LRCH1: variants seen among roughly 807,000 people sequenced by gnomAD.
LRCH1 encodes leucine-rich repeat and calponin homology domain-containing protein 1.
A neutral mutation model predicts 94.9 loss-of-function variants in LRCH1; 23 were observed. The ratio of observed to expected loss-of-function variants is 0.24; its 90% CI spans 0.17 to 0.34. LRCH1 has a LOEUF of 0.34. LRCH1 is among the 10% of genes least tolerant of loss of function. LRCH1 has a pLI of 1.00. For missense variants in LRCH1, 790 were observed against 945.9 expected, an observed-to-expected ratio of 0.84 and a Z score of 2.16; for synonymous variants, 364 against 354.9, an observed-to-expected ratio of 1.03 and a Z score of -0.29.
chr13:46,696,386 C>G (rs373994707), intron 9 of LRCH1, among the ~76,000 whole-genome samples: 1 of 152,110 alleles, frequency 6.6e-6, no homozygotes, highest in African/African-American at 2.4e-5. Flanking sequence ...TGGAGTATAT[C>G]GAGCATTCAT....
chr13:46,621,512 G>T (rs570894745), intron 1 of LRCH1, among the ~76,000 whole-genome samples: 2 of 152,248 alleles, frequency 1.3e-5, no homozygotes, highest in East Asian at 3.9e-4. Context: ...GTATCTTAAT[G>T]GGTTAATTGC....
chr13:46,656,633 G>A (rs1411951499), intron 2 of LRCH1, among the ~76,000 whole-genome samples: 1 of 152,254 alleles, frequency 6.6e-6, no homozygotes, highest in African/African-American at 2.4e-5. Flanking sequence ...TCACAGGATA[G>A]CAGAGTTGGA....
intron 1 of LRCH1, among the ~76,000 whole-genome samples, chr13:46,622,041 A>G (rs1384191982): frequency 6.6e-6 from 1 of 152,242 alleles, no homozygotes; most frequent in East Asian, 1.9e-4. Flanking sequence ...TGTAATAGAA[A>G]TGTTTATGTA....
rs546171836 is a variant in LRCH1 at position 46,683,783 on chromosome 13, A to G, written c.685+1937A>G. Among the ~76,000 whole-genome samples the G allele has an allele frequency of 1.4e-4, 21 of 152,304 alleles. No individual in the cohort carries two copies. The South Asian group carries it at 4.4e-3, about 32-fold the overall frequency. ...TTCCCTTAAAAAGATCAGTTATTCC[A>G]TAATTATGTTTTCTCAGTTTTGATA... On this transcript the variant is annotated intron_variant, in intron 4 of 19. Transcript: ENST00000389797.
chr13:46,580,660 C>T (rs927830726), intron 1 of LRCH1, among the ~76,000 whole-genome samples: 1 of 152,158 alleles, frequency 6.6e-6, no homozygotes, highest in African/African-American at 2.4e-5. Context: ...AGTCCCTTCC[C>T]TTTTTGCCAT....
At chr13:46,620,568 C>T (rs1404112520) in intron 1 of LRCH1, among the ~76,000 whole-genome samples, 2 of 152,232 alleles carry the variant, frequency 1.3e-5, no homozygotes, top group Non-Finnish European at 2.9e-5. Context: ...TATTGCAAAA[C>T]TTCTGGTTAG....
In LRCH1 at chr13:46,669,094, A is replaced by C; in HGVS notation, c.517A>C (p.Ser173Arg). 6.2e-7 allele frequency: 1 copy of C among 1,614,178 alleles called. No homozygotes were observed. Among genetic ancestry groups the C allele is most frequent in the South Asian group, 1.1e-5 (1 of 91,072 alleles). ...TCTGCCTCTCAAAGTCTTAATCGCA[A>C]GTAACAACAAACTTGGATCATTACC... ...CGLPLKVLIA[S>R]NNKLGSLPEE... Residue 173 changes from serine (S) to arginine (R), a missense_variant, in exon 3 of 20, where the codon AGT (serine) becomes CGT (arginine). Ser to Arg is a moderately radical substitution (Grantham distance 110). Coordinates refer to ENST00000389797, the MANE Select transcript of LRCH1 (RefSeq NM_001164211.2).
chr13:46,641,225 C>A (rs554044092), intron 1 of LRCH1, among the ~76,000 whole-genome samples: 1 of 152,020 alleles, frequency 6.6e-6, no homozygotes, highest in African/African-American at 2.4e-5. Flanking sequence ...GATGTAGCTG[C>A]GATTCTTCTA....
rs1339773025 is a variant in LRCH1 at position 46,685,913 on chromosome 13, G to C, written c.694G>C (p.Asp232His). The C allele has an allele frequency of 8.2e-6, 13 of 1,587,824 alleles. No homozygotes were observed. Among genetic ancestry groups the C allele is most frequent in the East Asian group, 2.3e-5 (1 of 44,244 alleles). The change falls in exon 5 of 20, where the codon GAT becomes CAT. Residue 232 changes from aspartate to histidine, a missense_variant. By Grantham distance (81) the Asp-to-His change is moderately conservative (BLOSUM62 -1). Coordinates refer to ENST00000389797, the MANE Select transcript of LRCH1 (RefSeq NM_001164211.2). ...TTTTTCTATTATTTTAGAACTAGTA[G>C]ATCTTTCCTTGGTAAAGTTTGACTT... ...YLKVLPQELV[D>H]LSLVKFDFSC...
intron 2 of LRCH1, among the ~76,000 whole-genome samples, chr13:46,657,741 C>T (rs2138094445): frequency 8.6e-6 from 1 of 115,888 alleles, no homozygotes; most frequent in South Asian, 2.9e-4. Flanking sequence ...GTTGTCCAGG[C>T]TGGTTTCGAG....
At chr13:46,623,633 C>A (rs528290669) in intron 1 of LRCH1, among the ~76,000 whole-genome samples, 1 of 151,194 alleles carries the variant, frequency 6.6e-6, no homozygotes, top group South Asian at 2.1e-4. Context: ...TCATTTGTTC[C>A]ACCACTGCTG....
intron 1 of LRCH1, among the ~76,000 whole-genome samples, chr13:46,611,573 G>A (rs1256356159): frequency 1.3e-5 from 2 of 152,182 alleles, no homozygotes; most frequent in East Asian, 3.8e-4. Flanking sequence ...ACTTGAATAT[G>A]TGAGCTTACC....
At chr13:46,554,357 T>G (rs571133632) in intron 1 of LRCH1, among the ~76,000 whole-genome samples, 1 of 152,282 alleles carries the variant, frequency 6.6e-6, no homozygotes, top group African/African-American at 2.4e-5. Context: ...TTGTAGTGAA[T>G]CCCAGTCGGC....
chr13:46,709,300 G>T (rs553180910), intron 13 of LRCH1, among the ~76,000 whole-genome samples: 1 of 152,186 alleles, frequency 6.6e-6, no homozygotes, highest in African/African-American at 2.4e-5. Context: ...CATTCAGTCA[G>T]TTGGCCCAGC....
At chr13:46,622,364 T>A (rs1566182433) in intron 1 of LRCH1, among the ~76,000 whole-genome samples, 1 of 152,156 alleles carries the variant, frequency 6.6e-6, no homozygotes, top group South Asian at 2.1e-4. Flanking sequence ...ATTAAATAGA[T>A]TTTCATTCAC....
intron 1 of LRCH1, among the ~76,000 whole-genome samples, chr13:46,578,108 C>T (rs1054172667): frequency 1.4e-4 from 21 of 152,216 alleles, no homozygotes; most frequent in African/African-American, 5.1e-4. Flanking sequence ...TCTGCCCCAC[C>T]TCTTCCAACA....
intron 19 of LRCH1, among the ~76,000 whole-genome samples, chr13:46,736,064 T>G (rs1197956098): frequency 6.6e-6 from 1 of 151,872 alleles, no homozygotes; most frequent in African/African-American, 2.4e-5. Flanking sequence ...CCCAAAGTGC[T>G]AGGATTATAG....
chr13:46,729,259 C>T lies in LRCH1; in HGVS notation c.2007+275C>T, dbSNP rs147035186. The stretch of plus-strand genomic sequence containing the variant: ...AGATCACTTTAAATAACTTACTGGG[C>T]GGGCACGGTGGCTCACACCTGTAAA... On this transcript the variant is annotated intron_variant, in intron 18 of 19. Transcript: ENST00000389797. 2.4e-3 allele frequency among the ~76,000 whole-genome samples: 366 copies of T among 152,068 alleles called. 1 individual carries two copies. Among genetic ancestry groups the T allele is most frequent in the African/African-American group, 8.2e-3 (338 of 41,466 alleles).
intron 1 of LRCH1, among the ~76,000 whole-genome samples, chr13:46,588,358 C>T (rs186391958): frequency 5.4e-4 from 82 of 152,274 alleles, no homozygotes; most frequent in Non-Finnish European, 1.0e-3. Flanking sequence ...TTGCTACTCA[C>T]ATGGTAAATA....
Sources: gnomAD v4.1 joint callset for allele counts (sites outside exome capture counted in the v4.1 genomes callset) on GRCh38, gnomAD v4.1.1 for gene constraint, MANE v1.5 for transcripts, NCBI Gene and HGNC (gene_info 2026-07-23, HGNC 2026-07-21) for gene names.